Variants in DENND5B observed in about 807,000 individuals in gnomAD.
DENND5B encodes the protein DENN domain containing 5B, also known as DENN domain-containing protein 5B.
A neutral mutation model predicts 140.6 loss-of-function variants in DENND5B; 34 were observed. The ratio of observed to expected loss-of-function variants is 0.24; its 90% CI spans 0.18 to 0.32. The LOEUF (loss-of-function observed/expected upper bound fraction) is 0.32. Among genes scored for constraint, DENND5B ranks in the 10% least tolerant of loss-of-function variants. The pLI, the probability that DENND5B is intolerant of heterozygous loss-of-function variation, is 1.00. For missense variants in DENND5B, 1,142 were observed against 1,560.2 expected, an observed-to-expected ratio of 0.73 and a Z score of 4.52; for synonymous variants, 551 against 562.1, an observed-to-expected ratio of 0.98 and a Z score of 0.28.
At chr12:31,432,527 G>A (rs1417676993) in intron 8 of DENND5B, 1 of 152,130 alleles carries the variant, frequency 6.6e-6, no homozygotes, top group African/African-American at 2.4e-5. Flanking sequence ...TACTTTGGGA[G>A]GCTGAGGCAG....
Position 31,571,258 on chromosome 12 carries a change from C to T in DENND5B, c.127+19448G>A, listed in dbSNP as rs1592072241. ...CATATTTTCATTCTACGTGACAACA[C>T]ACAAATCGGACCAGTAAGATAGAGA... is the stretch of plus-strand genomic sequence containing the variant. On this transcript the variant is annotated intron_variant, in intron 1 of 20. Transcript: ENST00000389082. Among the ~76,000 whole-genome samples the T allele has an allele frequency of 2.0e-5, 3 of 152,354 alleles. No individual in the cohort carries two copies. The South Asian group carries it at 6.2e-4, about 32-fold the overall frequency.
chr12:31,452,074 T>C lies in DENND5B; in HGVS notation c.1495A>G (p.Asn499Asp), dbSNP rs1335118439. 1.2e-6 allele frequency: 2 copies of C among 1,613,894 alleles called. No homozygotes were observed. The highest frequency in any genetic ancestry group is 2.2e-5 in the East Asian group (1 of 44,906). The change falls in exon 5 of 21, where the codon AAT becomes GAT. Residue 499 changes from asparagine to aspartate, a missense_variant. This residue lies in a region of DENND5B where 708 missense variants were observed against 905.5 expected (regional missense o/e 0.78). Coordinates refer to ENST00000389082, the MANE Select transcript of DENND5B (RefSeq NM_144973.4). ...EEAELRDYQL[N>D]VQLREVFANR... ...GCAAAGACCTCTCGGAGCTGTACAT[T>C]GAGCTGGTAGTCCCTTAGTTCTGCC... is the stretch of plus-strand genomic sequence containing the variant.
At chr12:31,565,308 C>T (rs1446773979) in intron 1 of DENND5B, among the ~76,000 whole-genome samples, 1 of 152,140 alleles carries the variant, frequency 6.6e-6, no homozygotes, top group Admixed American at 6.5e-5. Context: ...ATAGAAAGAT[C>T]GCTTGAGCCC....
chr12:31,439,929 CAAAAAAAAAAAAAAAAA>C (rs67272470), intron 7 of DENND5B, among the ~76,000 whole-genome samples: 4 of 52,300 alleles, frequency 7.6e-5, no homozygotes, highest in Non-Finnish European at 9.2e-5. Context: ...GACTCCGTCT[CAAAAAAAAAAAAAAAAA>C]AAAAAAAAAA....
chr12:31,522,786 T>C (rs948388891), intron 1 of DENND5B, among the ~76,000 whole-genome samples: 5 of 152,234 alleles, frequency 3.3e-5, no homozygotes, highest in Admixed American at 1.3e-4. Flanking sequence ...GTTCAGTTCT[T>C]ACCTGATCCC....
intron 1 of DENND5B, among the ~76,000 whole-genome samples, chr12:31,502,853 G>C (rs1003464104): frequency 6.6e-6 from 1 of 152,108 alleles, no homozygotes; most frequent in African/African-American, 2.4e-5. Context: ...AACTGAACTA[G>C]AGTAATAAAG....
At position 31,413,051 on chromosome 12, in the gene DENND5B, G is replaced by C. The variant is rs551295212; in HGVS notation, c.2681+385C>G. Among the ~76,000 whole-genome samples, 6 of 152,190 alleles carry C rather than the reference G, an allele frequency of 3.9e-5. No individual in the cohort carries two copies. In the East Asian group the frequency reaches 9.7e-4, roughly 25 times the overall value. ...TTCTCCTGCCTCAGCCTCCTGAATAGCCATGACTACAGGTGTGCGGCACCA... is the reference window on the plus strand; with the variant it reads ...TTCTCCTGCCTCAGCCTCCTGAATACCCATGACTACAGGTGTGCGGCACCA... On this transcript the variant is annotated intron_variant, in intron 13 of 20. Transcript: ENST00000389082.
At chr12:31,444,606 T>C (rs1019471423) in intron 6 of DENND5B, among the ~76,000 whole-genome samples, 3 of 152,192 alleles carry the variant, frequency 2.0e-5, no homozygotes, top group Admixed American at 6.5e-5. Context: ...CCAAACTCTC[T>C]GAGAGGCTGA....
chr12:31,501,589 C>T lies in DENND5B; in HGVS notation c.128-5670G>A, dbSNP rs7295221. ...AGGAGTTTGAGACCAGCCTGGCCAACATGGCAAAACCCTGTCTCCACTAAA... is the reference window on the plus strand; with the variant it reads ...AGGAGTTTGAGACCAGCCTGGCCAATATGGCAAAACCCTGTCTCCACTAAA... On this transcript the variant is annotated intron_variant, in intron 1 of 20. Coordinates refer to ENST00000389082, the MANE Select transcript of DENND5B (RefSeq NM_144973.4). 3.8e-3 allele frequency among the ~76,000 whole-genome samples: 570 copies of T among 151,906 alleles called. 6 individuals are homozygous for T. The highest frequency in any genetic ancestry group is 0.013 in the African/African-American group (538 of 41,430).
rs563877617 is a variant in DENND5B at position 31,385,884 on chromosome 12, G to T, written c.*1719C>A. Reference sequence around the variant, plus strand: ...GTAGAGACGGGGTTTCACGGTGTTAGCCAGGAGGGTCTCAATCTCCTGACC... The same window carrying T: ...GTAGAGACGGGGTTTCACGGTGTTATCCAGGAGGGTCTCAATCTCCTGACC... On this transcript the variant is annotated 3_prime_UTR_variant, in exon 21 of 21. Coordinates refer to ENST00000389082, the MANE Select transcript of DENND5B (RefSeq NM_144973.4). The T allele has an allele frequency of 6.6e-6, 1 of 152,494 alleles. No homozygotes were observed. Among genetic ancestry groups the T allele is most frequent in the South Asian group, 2.1e-4 (1 of 4,826 alleles). 9.4% of individuals were successfully genotyped at this position (152,494 alleles called of 1,614,324 possible).
At chr12:31,569,017 T>C (rs972652575) in intron 1 of DENND5B, among the ~76,000 whole-genome samples, 1 of 150,730 alleles carries the variant, frequency 6.6e-6, no homozygotes, top group African/African-American at 2.4e-5. Context: ...CCCAGGTAGC[T>C]AGGGTTACAG....
In DENND5B at chr12:31,385,149, C is replaced by A. The variant is rs1228483771; in HGVS notation, c.*2454G>T. The A allele has an allele frequency of 1.3e-5, 2 of 152,092 alleles. No homozygotes were observed. The highest frequency in any genetic ancestry group is 4.8e-5 in the African/African-American group (2 of 41,408). 9.4% of individuals were successfully genotyped at this position (152,092 alleles called of 1,614,324 possible). On this transcript the variant is annotated 3_prime_UTR_variant, in exon 21 of 21. Coordinates refer to ENST00000389082, the MANE Select transcript of DENND5B (RefSeq NM_144973.4). ...CAATGTGTTAATATGAATATTAATT[C>A]TTCTAAATGAATATTCATCCTTATT...
rs117787628 is a variant in DENND5B, at chr12:31,398,826, A to G, written c.3069-464T>C. Among the ~76,000 whole-genome samples, 27 of 152,138 alleles carry G rather than the reference A, an allele frequency of 1.8e-4. No individual in the cohort carries two copies. The East Asian group carries it at 4.6e-3, about 26-fold the overall frequency. On this transcript the variant is annotated intron_variant, in intron 16 of 20. Coordinates refer to ENST00000389082, the MANE Select transcript of DENND5B (RefSeq NM_144973.4). The stretch of plus-strand genomic sequence containing the variant: ...AATAGCAGCAAACATCTGTTGTTTT[A>G]AAAAGTTTTTTGAGGCTGGGCATGG...
chr12:31,475,300 T>C (rs1945747398), intron 3 of DENND5B, among the ~76,000 whole-genome samples: 1 of 152,154 alleles, frequency 6.6e-6, no homozygotes, highest in Admixed American at 6.6e-5. Flanking sequence ...AAAATCTAGC[T>C]CTATAATCTC....
intron 15 of DENND5B, among the ~76,000 whole-genome samples, chr12:31,400,082 C>T (rs113898915): frequency 0.022 from 3,377 of 152,260 alleles, 133 homozygotes; most frequent in African/African-American, 0.075. Flanking sequence ...GGGGAACCCA[C>T]AAACAACACA....
rs1240890511 is a variant in DENND5B, at chr12:31,456,179, A to T, written c.1093-3703T>A. Among the ~76,000 whole-genome samples, 54 of 152,012 alleles carry T rather than the reference A, an allele frequency of 3.6e-4. 2 individuals carry two copies. The highest frequency in any genetic ancestry group is 3.5e-3 in the Admixed American group (54 of 15,258). On this transcript the variant is annotated intron_variant, in intron 4 of 20. Transcript: ENST00000389082. ...ACCCCATCTCTAGTGCAAATACAAA[A>T]ATTAGCGAAGTGTGGTGGCGTGCAC...
In DENND5B at chr12:31,424,591, C is replaced by A; in HGVS notation, c.2335G>T (p.Ala779Ser). 1 of 1,613,910 alleles carries A rather than the reference C, an allele frequency of 6.2e-7. No homozygotes were observed. The highest frequency in any genetic ancestry group is 1.1e-5 in the South Asian group (1 of 91,070). Reference protein sequence around the residue: ...ITGLEENTLIASLCDLLERIW... With the variant: ...ITGLEENTLISSLCDLLERIW... ...CTCTCCAGCAGGTCACAAAGGCTGG[C>A]GATCAAGGTGTTCTCCTCCAGGCCG... is the stretch of plus-strand genomic sequence containing the variant. The change falls in exon 10 of 21, where the codon GCC (alanine) becomes TCC (serine). Residue 779 changes from alanine (A) to serine (S), a missense_variant. Ala to Ser is a moderately conservative substitution (Grantham distance 99). Coordinates refer to ENST00000389082, the MANE Select transcript of DENND5B (RefSeq NM_144973.4).
intron 17 of DENND5B, among the ~76,000 whole-genome samples, chr12:31,393,445 T>TA (rs1941256887): frequency 6.6e-6 from 1 of 152,226 alleles, no homozygotes; most frequent in Non-Finnish European, 1.5e-5. Flanking sequence ...GCCACTTTCC[T>TA]GAGGGACAGG....
At chr12:31,498,370 A>G (rs1399188650) in intron 1 of DENND5B, among the ~76,000 whole-genome samples, 1 of 152,222 alleles carries the variant, frequency 6.6e-6, no homozygotes, top group Non-Finnish European at 1.5e-5. Context: ...AAGGTCATGA[A>G]AGTGCCATTC....
Sources: allele counts gnomAD v4.1 joint callset (sites outside exome capture counted in the v4.1 genomes callset), GRCh38; gene constraint gnomAD v4.1.1; regional missense constraint gnomAD v4.1.1; transcripts MANE v1.5; gene names NCBI Gene and HGNC (gene_info 2026-07-23, HGNC 2026-07-21).